The following CHD6 variants were observed in gnomAD, a reference collection of about 807,000 sequenced individuals.
CHD6 encodes ATP-dependent chromatin remodeler CHD6.
A neutral mutation model predicts 276.9 loss-of-function variants in CHD6; 50 were observed. That is an observed-to-expected ratio of 0.18 (90% CI 0.14 to 0.23). CHD6 has a LOEUF of 0.23. CHD6 is among the 10% of genes least tolerant of loss of function. CHD6 has a pLI of 1.00. For synonymous variants in CHD6, 1,173 were observed against 1,229.3 expected, an observed-to-expected ratio of 0.95 and a Z score of 0.96; for missense variants, 2,564 against 3,365.8, an observed-to-expected ratio of 0.76 and a Z score of 5.89.
intron 2 of CHD6, among the ~76,000 whole-genome samples, chr20:41,544,101 G>A (rs993220014): frequency 6.6e-6 from 1 of 152,224 alleles, no homozygotes; most frequent in Middle Eastern, 3.4e-3. Context: ...TCAGCCAGGC[G>A]TGGTGGCGGG....
Position 41,416,679 on chromosome 20 carries a change from C to T in CHD6, c.6395G>A (p.Ser2132Asn), listed in dbSNP as rs1485940046. The stretch of plus-strand genomic sequence containing the variant: ...GAGGCTGGTTCGAGAACCAGCACTG[C>T]TGGTTAATACCGGGGTGGGCAGTGT... ...SGTLPTPVLT[S>N]SAGSRTSLSE... Residue 2132 changes from serine (S) to asparagine (N), a missense_variant, in exon 33 of 37, where the codon AGC becomes AAC. Ser to Asn is a conservative substitution (Grantham distance 46, BLOSUM62 1). Transcript: ENST00000373233. The T allele has an allele frequency of 1.9e-6, 3 of 1,614,020 alleles. No individual in the cohort carries two copies. Among genetic ancestry groups the T allele is most frequent in the Non-Finnish European group, 2.5e-6 (3 of 1,180,020 alleles).
chr20:41,601,546 G>A (rs2045773505), intron 1 of CHD6, among the ~76,000 whole-genome samples: 1 of 152,162 alleles, frequency 6.6e-6, no homozygotes, highest in South Asian at 2.1e-4. Flanking sequence ...AAAGATTATG[G>A]GATCTGCCAG....
chr20:41,450,296 T>C (rs1415724817), intron 23 of CHD6, among the ~76,000 whole-genome samples: 4 of 152,190 alleles, frequency 2.6e-5, no homozygotes, highest in African/African-American at 9.7e-5. Flanking sequence ...GCTGGGAAGA[T>C]AACTCTTGCA....
intron 27 of CHD6, among the ~76,000 whole-genome samples, chr20:41,428,092 T>C (rs1412826687): frequency 1.3e-5 from 2 of 152,322 alleles, no homozygotes; most frequent in South Asian, 4.1e-4. Context: ...CAGCAAATGC[T>C]AGCTTCCCTT....
chr20:41,611,336 G>T (rs902584906), intron 1 of CHD6, among the ~76,000 whole-genome samples: 2 of 152,178 alleles, frequency 1.3e-5, no homozygotes, highest in Non-Finnish European at 2.9e-5. Context: ...GACTGGCCAT[G>T]TATGGCTATT....
intron 3 of CHD6, among the ~76,000 whole-genome samples, chr20:41,519,171 T>C (rs1473524877): frequency 1.3e-5 from 2 of 152,140 alleles, no homozygotes; most frequent in African/African-American, 4.8e-5. Flanking sequence ...TGGTCCCCGC[T>C]ACTTGGGAGG....
At chr20:41,460,937 A>T (rs1160903562) in intron 17 of CHD6, among the ~76,000 whole-genome samples, 1 of 152,164 alleles carries the variant, frequency 6.6e-6, no homozygotes, top group African/African-American at 2.4e-5. Flanking sequence ...CTGCTGGGGG[A>T]GGGAGGCTGT....
intron 3 of CHD6, among the ~76,000 whole-genome samples, chr20:41,526,159 A>C (rs889489378): frequency 4.6e-5 from 7 of 152,060 alleles, no homozygotes; most frequent in African/African-American, 1.2e-4. Flanking sequence ...AAAAAAAAAA[A>C]CAAAAACCCC....
At chr20:41,599,028 C>T (rs1290011565) in intron 1 of CHD6, among the ~76,000 whole-genome samples, 2 of 152,144 alleles carry the variant, frequency 1.3e-5, no homozygotes, top group Non-Finnish European at 2.9e-5. Context: ...ATTTAAAGCC[C>T]AAAATCAAAT....
chr20:41,531,081 C>T (rs759156645), intron 3 of CHD6, among the ~76,000 whole-genome samples: 24 of 152,154 alleles, frequency 1.6e-4, no homozygotes, highest in Admixed American at 5.2e-4. Flanking sequence ...CCTCCTTATT[C>T]CCCCAAAATG....
intron 29 of CHD6, among the ~76,000 whole-genome samples, chr20:41,424,404 G>A (rs1325977055): frequency 6.6e-6 from 1 of 152,222 alleles, no homozygotes; most frequent in Admixed American, 6.5e-5. Context: ...TCCAGAGGGA[G>A]TCTAGCTAGG....
intron 1 of CHD6, among the ~76,000 whole-genome samples, chr20:41,609,160 GC>G (rs1469530474): frequency 1.3e-5 from 2 of 152,100 alleles, no homozygotes; most frequent in African/African-American, 2.4e-5. Context: ...TCAAATACAT[GC>G]CCAGAGAGCT....
intron 2 of CHD6, among the ~76,000 whole-genome samples, chr20:41,540,695 C>T (rs1027896428): frequency 9.2e-5 from 14 of 152,180 alleles, no homozygotes; most frequent in African/African-American, 2.9e-4. Context: ...AGCAAGGCCT[C>T]GCTGGCTCCT....
intron 27 of CHD6, among the ~76,000 whole-genome samples, chr20:41,426,923 C>A (rs560506895): frequency 6.6e-6 from 1 of 152,264 alleles, no homozygotes; most frequent in South Asian, 2.1e-4. Context: ...CTAAAACTTA[C>A]TATATTTTGA....
intron 16 of CHD6, among the ~76,000 whole-genome samples, chr20:41,474,999 G>A (rs2043138963): frequency 6.6e-6 from 1 of 152,144 alleles, no homozygotes; most frequent in Admixed American, 6.5e-5. Context: ...AACTACAGCA[G>A]CAAATGAAAC....
intron 1 of CHD6, among the ~76,000 whole-genome samples, chr20:41,600,997 A>G (rs1033216751): frequency 6.6e-6 from 1 of 152,226 alleles, no homozygotes; most frequent in Non-Finnish European, 1.5e-5. Flanking sequence ...CTATCACATC[A>G]AAAATCTAGA....
chr20:41,500,271 A>G (rs904144134), intron 5 of CHD6, among the ~76,000 whole-genome samples: 4 of 152,188 alleles, frequency 2.6e-5, no homozygotes, highest in South Asian at 2.1e-4. Flanking sequence ...GATGATTTGT[A>G]TATCTTCAGT....
chr20:41,597,479 A>C (rs867902641), intron 1 of CHD6, among the ~76,000 whole-genome samples: 1 of 152,134 alleles, frequency 6.6e-6, no homozygotes, highest in Non-Finnish European at 1.5e-5. Flanking sequence ...TTCGCAGTTC[A>C]CCAACACCAA....
In CHD6 at chr20:41,586,128, C is replaced by T. The variant is rs538784467; in HGVS notation, c.-24+32212G>A. Among the ~76,000 whole-genome samples, 38 of 152,276 alleles carry T rather than the reference C, an allele frequency of 2.5e-4. No individual in the cohort carries two copies. In the South Asian group the frequency reaches 7.9e-3, roughly 32 times the overall value. On this transcript the variant is annotated intron_variant, in intron 1 of 36. Transcript: ENST00000373233. The stretch of plus-strand genomic sequence containing the variant: ...GGCATTTGAGCAGGTAGTGGCAACC[C>T]CCTTTGGGTCCCCTCCCATTGTATG...
Sources: gnomAD v4.1 joint callset for allele counts (sites outside exome capture counted in the v4.1 genomes callset) on GRCh38, gnomAD v4.1.1 for gene constraint, MANE v1.5 for transcripts, NCBI Gene and HGNC (gene_info 2026-07-23, HGNC 2026-07-21) for gene names.